Variants in RBMS3 observed in about 807,000 individuals in gnomAD.
RBMS3 encodes the protein RNA binding motif single stranded interacting protein 3, also known as RNA-binding motif, single-stranded-interacting protein 3.
In RBMS3, 27 loss-of-function variants were observed where a neutral mutation model predicts 66.8. The observed-to-expected ratio is 0.40, with a 90% CI of 0.30 to 0.56. The LOEUF (loss-of-function observed/expected upper bound fraction) is 0.56. Among genes scored for constraint, RBMS3 ranks in the 20% least tolerant of loss-of-function variants. RBMS3 has a pLI of 0.40. For synonymous variants in RBMS3, 188 were observed against 183.0 expected (o/e 1.03, Z -0.22); for missense variants, 513 against 549.5 (o/e 0.93, Z 0.66).
chr3:29,775,528 G>C (rs1228927862), intron 6 of RBMS3, among the ~76,000 whole-genome samples: 1 of 151,968 alleles, frequency 6.6e-6, no homozygotes, highest in Non-Finnish European at 1.5e-5. Flanking sequence ...CCACAATTTA[G>C]GGAGAGTTTA....
intron 3 of RBMS3, among the ~76,000 whole-genome samples, chr3:29,535,791 G>A (rs2045535154): frequency 1.5e-5 from 2 of 135,590 alleles, no homozygotes; most frequent in African/African-American, 5.5e-5. Flanking sequence ...ATTCAGGATG[G>A]TGAGTTTGGA....
At chr3:29,900,879 A>C (rs2060235582) in intron 10 of RBMS3, among the ~76,000 whole-genome samples, 1 of 151,806 alleles carries the variant, frequency 6.6e-6, no homozygotes, top group South Asian at 2.1e-4. Flanking sequence ...GTATACATTA[A>C]ACACCAGGGA....
At chr3:29,789,785 T>C (rs1182429784) in intron 6 of RBMS3, among the ~76,000 whole-genome samples, 1 of 152,168 alleles carries the variant, frequency 6.6e-6, no homozygotes, top group Non-Finnish European at 1.5e-5. Context: ...TTATGATTTG[T>C]GCATCCTTAA....
At chr3:29,769,195 CAAG>C (rs1247848821) in intron 6 of RBMS3, among the ~76,000 whole-genome samples, 1 of 151,344 alleles carries the variant, frequency 6.6e-6, no homozygotes, top group Non-Finnish European at 1.5e-5. Flanking sequence ...TGGAAAAAGA[CAAG>C]AAGGACAAGA....
chr3:29,667,091 T>C (rs1383575250), intron 4 of RBMS3, among the ~76,000 whole-genome samples: 1 of 152,160 alleles, frequency 6.6e-6, no homozygotes. Flanking sequence ...GCTGCAAAAA[T>C]ATCTGGGAAA....
chr3:29,407,714 A>G (rs1040102371), intron 1 of RBMS3, among the ~76,000 whole-genome samples: 1 of 152,126 alleles, frequency 6.6e-6, no homozygotes, highest in Non-Finnish European at 1.5e-5. Context: ...CTGTGGCTGA[A>G]ATGCCACATA....
chr3:29,357,988 T>A (rs558264396), intron 1 of RBMS3, among the ~76,000 whole-genome samples: 1 of 152,164 alleles, frequency 6.6e-6, no homozygotes, highest in African/African-American at 2.4e-5. Flanking sequence ...AATTTTCTCC[T>A]ATTCTCTAGG....
At chr3:29,493,731 G>A (rs61015112) in intron 3 of RBMS3, among the ~76,000 whole-genome samples, 3,118 of 152,160 alleles carry the variant, frequency 0.02, 118 homozygotes, top group African/African-American at 0.072. Flanking sequence ...ACTCATGACT[G>A]TATGGTTCTT....
intron 2 of RBMS3, among the ~76,000 whole-genome samples, chr3:29,467,327 GA>G (rs2042577908): frequency 6.6e-6 from 1 of 152,148 alleles, no homozygotes; most frequent in Non-Finnish European, 1.5e-5. Flanking sequence ...TTACTAACCT[GA>G]AAAGTTATCT....
At chr3:29,748,707 C>G (rs1478149391) in intron 5 of RBMS3, among the ~76,000 whole-genome samples, 1 of 152,140 alleles carries the variant, frequency 6.6e-6, no homozygotes, top group African/African-American at 2.4e-5. Context: ...TTGCATACCT[C>G]ACATAGCTCA....
intron 1 of RBMS3, among the ~76,000 whole-genome samples, chr3:29,355,173 C>T (rs1575601418): frequency 6.6e-6 from 1 of 152,024 alleles, no homozygotes; most frequent in Non-Finnish European, 1.5e-5. Flanking sequence ...AATAAGGGGC[C>T]ATGTCAATCT....
intron 4 of RBMS3, among the ~76,000 whole-genome samples, chr3:29,703,601 T>C (rs2052734215): frequency 6.6e-6 from 1 of 152,230 alleles, no homozygotes. Context: ...TGCCATGTTA[T>C]AACAAAGTAT....
At chr3:29,940,767 A>G (rs899108541) in intron 11 of RBMS3, among the ~76,000 whole-genome samples, 1 of 151,796 alleles carries the variant, frequency 6.6e-6, no homozygotes, top group Non-Finnish European at 1.5e-5. Context: ...TCAAAAAAAA[A>G]AAAAGTGCAT....
chr3:29,993,693 C>A (rs547653667), intron 14 of RBMS3, among the ~76,000 whole-genome samples: 74 of 152,266 alleles, frequency 4.9e-4, no homozygotes, highest in African/African-American at 1.7e-3. Flanking sequence ...TGCCTTTGAA[C>A]TTAAACAAAA....
intron 2 of RBMS3, among the ~76,000 whole-genome samples, chr3:29,447,251 T>C (rs1177841940): frequency 1.3e-5 from 2 of 152,214 alleles, no homozygotes; most frequent in African/African-American, 4.8e-5. Flanking sequence ...TTAAAAATAT[T>C]CATTTAAGTA....
chr3:29,704,243 C>G (rs1331289962), intron 4 of RBMS3, among the ~76,000 whole-genome samples: 5 of 152,160 alleles, frequency 3.3e-5, no homozygotes, highest in Non-Finnish European at 1.5e-5. Flanking sequence ...TTGTCTTCCA[C>G]AAAACTGGTC....
At chr3:29,703,377 G>C (rs1160530092) in intron 4 of RBMS3, among the ~76,000 whole-genome samples, 1 of 152,192 alleles carries the variant, frequency 6.6e-6, no homozygotes, top group Non-Finnish European at 1.5e-5. Flanking sequence ...TAGTGAAATT[G>C]TAAGAAAACA....
chr3:29,368,856 A>G (rs2038042640), intron 1 of RBMS3, among the ~76,000 whole-genome samples: 1 of 152,114 alleles, frequency 6.6e-6, no homozygotes, highest in African/African-American at 2.4e-5. Context: ...CGGTCTACAT[A>G]CATGCATATG....
At chr3:29,946,772 G>A (rs963140644) in intron 12 of RBMS3, among the ~76,000 whole-genome samples, 6 of 151,590 alleles carry the variant, frequency 4.0e-5, no homozygotes, top group Admixed American at 3.3e-4. Context: ...ACTATGGCAT[G>A]AGAAGGCCTA....
Sources: allele counts gnomAD v4.1 joint callset (sites outside exome capture counted in the v4.1 genomes callset), GRCh38; gene constraint gnomAD v4.1.1; transcripts MANE v1.5; gene names NCBI Gene and HGNC (gene_info 2026-07-23, HGNC 2026-07-21).